Variants in MYO5B observed in about 807,000 individuals in gnomAD.
MYO5B encodes the protein unconventional myosin-Vb.
In MYO5B, 143 loss-of-function variants were observed where a neutral mutation model predicts 229.3. The observed-to-expected ratio is 0.62, with a 90% CI of 0.54 to 0.72. MYO5B has a LOEUF of 0.72. Ranked by LOEUF, MYO5B falls within the 30% of genes least tolerant of loss-of-function variation. The pLI is 0.00. For missense variants in MYO5B, 2,321 were observed against 2,331.0 expected (o/e 1.00, Z 0.09); for synonymous variants, 918 against 885.2 (o/e 1.04, Z -0.66).
chr18:50,114,825 T>C (rs9952643), intron 1 of MYO5B, among the ~76,000 whole-genome samples: 149,178 of 152,268 alleles, frequency 0.98, 73,152 homozygotes, highest in East Asian at 1. Flanking sequence ...GGTGTGGTGG[T>C]TGCCCCCTTG....
At chr18:50,104,167 T>TAAAA (rs144294604) in intron 1 of MYO5B, among the ~76,000 whole-genome samples, 2 of 131,488 alleles carry the variant, frequency 1.5e-5, no homozygotes, top group Non-Finnish European at 3.1e-5. Context: ...ACTTGTCTAT[T>TAAAA]AAAAAGAAAA....
rs745567932 is a variant in MYO5B at position 49,824,100 on chromosome 18, AAG to A, written c.*2369_*2370del. 6.6e-6 allele frequency: 1 copy of A among 152,574 alleles called. No homozygotes were observed. Among genetic ancestry groups the A allele is most frequent in the Non-Finnish European group, 1.5e-5 (1 of 68,022 alleles). 9.5% of individuals were successfully genotyped at this position (152,574 alleles called of 1,614,324 possible). ...TGCAGAGTTCAAACCTGAATTGTTA[AAG>A]AGTCATTACTGATTTCATGACACTG... is the stretch of plus-strand genomic sequence containing the variant. On this transcript the variant is annotated 3_prime_UTR_variant, in exon 40 of 40. Coordinates refer to ENST00000285039, the MANE Select transcript of MYO5B (RefSeq NM_001080467.3).
intron 1 of MYO5B, among the ~76,000 whole-genome samples, chr18:50,145,048 T>C (rs1310913256): frequency 6.6e-6 from 1 of 152,308 alleles, no homozygotes; most frequent in East Asian, 1.9e-4. Flanking sequence ...AACAACTCAG[T>C]GCTTCCCTTC....
At chr18:49,930,520 A>T (rs1049853985) in intron 16 of MYO5B, among the ~76,000 whole-genome samples, 1 of 152,206 alleles carries the variant, frequency 6.6e-6, no homozygotes, top group African/African-American at 2.4e-5. Context: ...TATACAAGAC[A>T]GTACATAACA....
chr18:49,945,089 G>T (rs571819331), intron 14 of MYO5B, among the ~76,000 whole-genome samples: 7 of 152,016 alleles, frequency 4.6e-5, no homozygotes, highest in Non-Finnish European at 7.4e-5. Flanking sequence ...CTCCCTGCCC[G>T]GCGCCCTTCC....
At chr18:49,978,264 C>T (rs1043226929) in intron 9 of MYO5B, among the ~76,000 whole-genome samples, 5 of 152,160 alleles carry the variant, frequency 3.3e-5, no homozygotes, top group Admixed American at 2.6e-4. Flanking sequence ...TCAGTGGGTA[C>T]TAGAGGGAGA....
chr18:49,961,786 C>A (rs2025562356), intron 12 of MYO5B, among the ~76,000 whole-genome samples: 1 of 152,210 alleles, frequency 6.6e-6, no homozygotes, highest in African/African-American at 2.4e-5. Context: ...GACAAGTCAG[C>A]ACTCACCCCA....
chr18:49,973,406 T>C (rs2025711963), intron 10 of MYO5B, among the ~76,000 whole-genome samples: 2 of 152,228 alleles, frequency 1.3e-5, no homozygotes, highest in South Asian at 4.1e-4. Flanking sequence ...GGGTGAGTTC[T>C]AGCCTGCTAA....
chr18:49,974,928 C>G (rs1219403229), intron 9 of MYO5B, among the ~76,000 whole-genome samples: 2 of 152,138 alleles, frequency 1.3e-5, no homozygotes, highest in Admixed American at 1.3e-4. Context: ...CCAAAACATT[C>G]TCCATCTTTC....
chr18:50,165,139 G>A (rs2032825640), intron 1 of MYO5B, among the ~76,000 whole-genome samples: 1 of 152,228 alleles, frequency 6.6e-6, no homozygotes. Context: ...CATCAACTCA[G>A]GGGAGAGATG....
chr18:49,880,494 T>A, intron 22 of MYO5B, 39 bp from the exon 23 acceptor site: 2 of 1,518,656 alleles, frequency 1.3e-6, no homozygotes, highest in Non-Finnish European at 1.8e-6. Flanking sequence ...CTCATGATGC[T>A]GGGAAGAGGA....
At chr18:50,016,760 C>G (rs1006593815) in intron 4 of MYO5B, among the ~76,000 whole-genome samples, 1 of 152,042 alleles carries the variant, frequency 6.6e-6, no homozygotes, top group African/African-American at 2.4e-5. Context: ...TTTCATCACC[C>G]CCAAGAGAAA....
intron 29 of MYO5B, among the ~76,000 whole-genome samples, chr18:49,857,785 TA>T (rs926836399): frequency 3.9e-5 from 6 of 152,172 alleles, no homozygotes; most frequent in African/African-American, 1.4e-4. Context: ...CACCTCCACC[TA>T]GGTCCTCAAC....
chr18:50,027,197 G>T (rs893882786), intron 4 of MYO5B, among the ~76,000 whole-genome samples: 1 of 151,996 alleles, frequency 6.6e-6, no homozygotes. Flanking sequence ...AAATTATTTT[G>T]GACACACCTT....
Position 49,879,966 on chromosome 18 carries a change from A to C in MYO5B, c.3130+405T>G, listed in dbSNP as rs79834324. On this transcript the variant is annotated intron_variant, in intron 23 of 39. Coordinates refer to ENST00000285039, the MANE Select transcript of MYO5B (RefSeq NM_001080467.3). The stretch of plus-strand genomic sequence containing the variant: ...GACGACAGCTCCTGAGCGCTCGCTG[A>C]GTGTCATGCACCCTCCTAAGCACTT... Among the ~76,000 whole-genome samples, 927 of 152,318 alleles carry C rather than the reference A, an allele frequency of 6.1e-3. 10 individuals carry two copies. The highest frequency in any genetic ancestry group is 0.017 in the African/African-American group (699 of 41,580).
rs182144565 is a variant in MYO5B, at chr18:49,984,727, T to C, written c.937A>G (p.Thr313Ala). Reference protein sequence around the residue: ...EDFEKTRQAFTLLGVKESHQM... With the variant: ...EDFEKTRQAFALLGVKESHQM... ...CTAAGAAGCTCCTTACCGAGGAGTG[T>C]GAAGGCTTGTCGAGTCTTCTCAAAG... Residue 313 changes from threonine to alanine, a missense_variant, in exon 8 of 40, where the codon ACA becomes GCA. Transcript: ENST00000285039. 1.4e-5 allele frequency: 22 copies of C among 1,609,906 alleles called. 1 individual carries two copies. The African/African-American group carries it at 2.7e-4, about 20-fold the overall frequency.
intron 4 of MYO5B, among the ~76,000 whole-genome samples, chr18:50,007,454 C>T (rs114304506): frequency 1.4e-3 from 219 of 152,324 alleles, no homozygotes; most frequent in African/African-American, 5.1e-3. Context: ...ATGTCCTTCT[C>T]ATGAAACTTT....
intron 1 of MYO5B, among the ~76,000 whole-genome samples, chr18:50,150,824 AAAGTAT>A (rs539126584): frequency 1.5e-4 from 23 of 152,308 alleles, no homozygotes; most frequent in Non-Finnish European, 2.6e-4. Context: ...CCTAAAACTT[AAAGTAT>A]AATAATAAAA....
chr18:50,194,340 G>C (rs2033269420), intron 1 of MYO5B, among the ~76,000 whole-genome samples: 1 of 152,162 alleles, frequency 6.6e-6, no homozygotes, highest in East Asian at 1.9e-4. Flanking sequence ...AGAGCCCCTG[G>C]GGTGGGGTCC....
Sources: allele counts gnomAD v4.1 joint callset (sites outside exome capture counted in the v4.1 genomes callset), GRCh38; gene constraint gnomAD v4.1.1; transcripts MANE v1.5; gene names NCBI Gene and HGNC (gene_info 2026-07-23, HGNC 2026-07-21).